Variants in ARHGEF26 observed in about 807,000 individuals in gnomAD.
ARHGEF26 encodes the protein Rho guanine nucleotide exchange factor (GEF) 26.
A neutral mutation model predicts 89.4 loss-of-function variants in ARHGEF26; 59 were observed. The observed-to-expected ratio is 0.66, with a 90% CI of 0.54 to 0.82. ARHGEF26 has a LOEUF of 0.82. ARHGEF26 is among the 40% of genes least tolerant of loss of function. The probability of loss-of-function intolerance (pLI) is 0.00; values close to 1 mark genes in which losing one functional copy is unlikely to be tolerated. For missense variants in ARHGEF26, 1,234 were observed against 1,085.6 expected (o/e 1.14, Z -1.92); for synonymous variants, 500 against 428.4 (o/e 1.17, Z -2.06).
At chr3:154,179,883 A>T (rs1713076460) in intron 6 of ARHGEF26, among the ~76,000 whole-genome samples, 1 of 152,194 alleles carries the variant, frequency 6.6e-6, no homozygotes, top group South Asian at 2.1e-4. Context: ...GGTTTAAAAC[A>T]ACACAAATTT....
At chr3:154,222,840 T>G (rs549170691) in intron 10 of ARHGEF26, among the ~76,000 whole-genome samples, 20 of 152,214 alleles carry the variant, frequency 1.3e-4, no homozygotes, top group African/African-American at 3.6e-4. Context: ...GAGAGAATAC[T>G]AATGAGAGGG....
At chr3:154,171,955 A>G (rs1712470620) in intron 6 of ARHGEF26, among the ~76,000 whole-genome samples, 1 of 152,156 alleles carries the variant, frequency 6.6e-6, no homozygotes, top group South Asian at 2.1e-4. Context: ...TCTAGAAGGC[A>G]AGCAGGATGT....
intron 4 of ARHGEF26, among the ~76,000 whole-genome samples, chr3:154,140,435 A>G (rs1226515256): frequency 6.6e-6 from 1 of 152,192 alleles, no homozygotes; most frequent in Non-Finnish European, 1.5e-5. Flanking sequence ...GCTCTGGAAG[A>G]GCAGGAACTA....
chr3:154,255,527 G>C lies in ARHGEF26; in HGVS notation c.*54G>C. 6.3e-7 allele frequency: 1 copy of C among 1,576,394 alleles called. No homozygotes were observed. The highest frequency in any genetic ancestry group is 8.6e-7 in the Non-Finnish European group (1 of 1,163,456). The stretch of plus-strand genomic sequence containing the variant: ...GATTTGCACGACACTTACCGGGCTG[G>C]TTGGTTCTGGGCTAGTTTTATTGTT... On this transcript the variant is annotated 3_prime_UTR_variant, in exon 15 of 15. Coordinates refer to ENST00000465093, the MANE Select transcript of ARHGEF26 (RefSeq NM_015595.4).
chr3:154,213,019 T>G (rs2122365), intron 9 of ARHGEF26, among the ~76,000 whole-genome samples: 133,435 of 152,134 alleles, frequency 0.88, 58,644 homozygotes, highest in East Asian at 1. Flanking sequence ...AAGAATGTTT[T>G]AAATTCTTTT....
At position 154,198,145 on chromosome 3, in the gene ARHGEF26, C is replaced by T. The variant is rs148584005; in HGVS notation, c.1845+3427C>T. On this transcript the variant is annotated intron_variant, in intron 9 of 14. Transcript: ENST00000465093. ...AAACGTGAAAAAATGCTCAGCATCA[C>T]TAACTATAAAGGCAAATTAAAACCA... Among the ~76,000 whole-genome samples, 901 of 152,218 alleles carry T rather than the reference C, an allele frequency of 5.9e-3. 23 individuals are homozygous for T. Among genetic ancestry groups the T allele is most frequent in the Admixed American group, 0.048 (731 of 15,266 alleles).
At chr3:154,161,582 A>G (rs1345361638) in intron 6 of ARHGEF26, among the ~76,000 whole-genome samples, 3 of 152,164 alleles carry the variant, frequency 2.0e-5, no homozygotes, top group Non-Finnish European at 4.4e-5. Context: ...TTGTAAATAT[A>G]TGCCTCTGCC....
At chr3:154,137,368 G>C (rs1022550155) in intron 4 of ARHGEF26, among the ~76,000 whole-genome samples, 8 of 152,244 alleles carry the variant, frequency 5.3e-5, no homozygotes, top group South Asian at 2.1e-4. Flanking sequence ...CGGCAAGAAG[G>C]CTCTCACCAA....
At chr3:154,215,781 T>C (rs1448390988) in intron 9 of ARHGEF26, among the ~76,000 whole-genome samples, 2 of 152,124 alleles carry the variant, frequency 1.3e-5, no homozygotes, top group Non-Finnish European at 2.9e-5. Flanking sequence ...ACTAATCCCA[T>C]TCATGAGGAC....
At chr3:154,152,044 T>G (rs1018222069) in intron 5 of ARHGEF26, among the ~76,000 whole-genome samples, 1 of 152,208 alleles carries the variant, frequency 6.6e-6, no homozygotes, top group African/African-American at 2.4e-5. Context: ...ATTTCATCAT[T>G]AACAGTTATC....
At chr3:154,137,285 G>C (rs1719065204) in intron 4 of ARHGEF26, among the ~76,000 whole-genome samples, 1 of 152,160 alleles carries the variant, frequency 6.6e-6, no homozygotes, top group Admixed American at 6.5e-5. Context: ...ACCTGAGCTA[G>C]CTCGTTAGCA....
At chr3:154,184,227 C>T (rs1243470946) in intron 6 of ARHGEF26, among the ~76,000 whole-genome samples, 1 of 152,214 alleles carries the variant, frequency 6.6e-6, no homozygotes, top group African/African-American at 2.4e-5. Context: ...CTACCTCGGC[C>T]TCCCAAAGTG....
At position 154,129,726 on chromosome 3, in the gene ARHGEF26, G is replaced by GT. The variant is rs1718563762; in HGVS notation, c.1269+10dup. 1 of 1,603,320 alleles carries GT rather than the reference G, an allele frequency of 6.2e-7. No individual in the cohort carries two copies. Among genetic ancestry groups the GT allele is most frequent in the South Asian group, 1.1e-5 (1 of 88,870 alleles). On this transcript the variant is annotated splice_region_variant and intron_variant, in intron 4 of 14. Transcript: ENST00000465093. ...ATGGAGCCAACTCTCTGCGGTGAGT[G>GT]TTTATCTTCTTTTCTATCTGTGGTA...
At chr3:154,214,095 C>T (rs1715574843) in intron 9 of ARHGEF26, among the ~76,000 whole-genome samples, 1 of 152,112 alleles carries the variant, frequency 6.6e-6, no homozygotes, top group Non-Finnish European at 1.5e-5. Context: ...AGGTGGGACA[C>T]AGCATATGCA....
In ARHGEF26 at chr3:154,187,793, C is replaced by T. The variant is rs1226650921; in HGVS notation, c.1596C>T (p.Tyr532=). ...CCACATTTGACCCATATGTGAAATA[C>T]TGCACAAATGAAGTCTACCAACAAC... ...TASTFDPYVK[Y]CTNEVYQQRT... The change falls in exon 7 of 15, where the codon TAC becomes TAT. Residue 532 remains tyrosine (Y), a synonymous_variant. Transcript: ENST00000465093. 5.0e-6 allele frequency: 8 copies of T among 1,610,848 alleles called. No homozygotes were observed. Among genetic ancestry groups the T allele is most frequent in the Non-Finnish European group, 6.8e-6 (8 of 1,178,226 alleles).
chr3:154,220,845 A>G (rs918548817), intron 10 of ARHGEF26, among the ~76,000 whole-genome samples: 1 of 152,184 alleles, frequency 6.6e-6, no homozygotes, highest in Admixed American at 6.5e-5. Context: ...AAATTTCTCT[A>G]TAGAGGGAAA....
At chr3:154,174,734 C>A (rs950553890) in intron 6 of ARHGEF26, among the ~76,000 whole-genome samples, 3 of 151,876 alleles carry the variant, frequency 2.0e-5, no homozygotes, top group Admixed American at 6.6e-5. Flanking sequence ...AGGTAGATTT[C>A]TTTTTTATAG....
chr3:154,235,769 T>C (rs1199993379), intron 11 of ARHGEF26, among the ~76,000 whole-genome samples: 2 of 152,126 alleles, frequency 1.3e-5, no homozygotes, highest in Non-Finnish European at 2.9e-5. Context: ...AAAAAAAATA[T>C]ATAAAACACT....
chr3:154,179,729 C>T (rs1713065124), intron 6 of ARHGEF26, among the ~76,000 whole-genome samples: 1 of 152,050 alleles, frequency 6.6e-6, no homozygotes, highest in African/African-American at 2.4e-5. Flanking sequence ...ATAGTAGGGC[C>T]CATGAGTTAC....
Sources: allele counts gnomAD v4.1 joint callset (sites outside exome capture counted in the v4.1 genomes callset), GRCh38; gene constraint gnomAD v4.1.1; transcripts MANE v1.5; gene names NCBI Gene and HGNC (gene_info 2026-07-23, HGNC 2026-07-21).